COL8A1: variants seen among roughly 807,000 people sequenced by gnomAD.
The protein encoded by COL8A1 is collagen alpha-1(VIII) chain.
A neutral mutation model predicts 42.7 loss-of-function variants in COL8A1; 21 were observed. That is an observed-to-expected ratio of 0.49 (90% CI 0.35 to 0.71). The LOEUF is 0.71. Ranked by LOEUF, COL8A1 falls within the 30% of genes least tolerant of loss-of-function variation. The pLI, the probability that COL8A1 is intolerant of heterozygous loss-of-function variation, is 0.01. For synonymous variants in COL8A1, 367 were observed against 369.1 expected (o/e 0.99, Z 0.06); for missense variants, 788 against 962.4 (o/e 0.82, Z 2.40).
At chr3:99,762,073 T>G (rs1386530407) in intron 2 of COL8A1, among the ~76,000 whole-genome samples, 1 of 152,212 alleles carries the variant, frequency 6.6e-6, no homozygotes, top group East Asian at 1.9e-4. Flanking sequence ...ACTGTCCTGT[T>G]ATTGGTTTTT....
At chr3:99,664,743 A>G (rs1366862531) in intron 1 of COL8A1, among the ~76,000 whole-genome samples, 3 of 152,314 alleles carry the variant, frequency 2.0e-5, no homozygotes, top group Middle Eastern at 3.4e-3. Flanking sequence ...TCAACCTGCT[A>G]TCTTCAACCT....
At chr3:99,688,202 A>C (rs1939120039) in intron 1 of COL8A1, among the ~76,000 whole-genome samples, 2 of 152,240 alleles carry the variant, frequency 1.3e-5, no homozygotes, top group African/African-American at 4.8e-5. Context: ...TGTTGTAACA[A>C]ACCACCACAA....
chr3:99,768,728 C>G (rs926620342), intron 2 of COL8A1, among the ~76,000 whole-genome samples: 3 of 152,146 alleles, frequency 2.0e-5, no homozygotes, highest in African/African-American at 7.2e-5. Context: ...TCCTAGTGTC[C>G]CCAGTCTCTA....
intron 2 of COL8A1, among the ~76,000 whole-genome samples, chr3:99,782,578 G>A (rs985791109): frequency 1.3e-5 from 2 of 152,060 alleles, no homozygotes; most frequent in African/African-American, 4.8e-5. Flanking sequence ...TTTTAGTAGA[G>A]ACAGGGTTTT....
chr3:99,772,792 G>A (rs1373347972), intron 2 of COL8A1, among the ~76,000 whole-genome samples: 2 of 152,176 alleles, frequency 1.3e-5, no homozygotes, highest in Non-Finnish European at 2.9e-5. Context: ...AACTCATAGG[G>A]AGTGTGTTTT....
intron 1 of COL8A1, among the ~76,000 whole-genome samples, chr3:99,735,581 A>G (rs1372808862): frequency 6.6e-6 from 1 of 150,414 alleles, no homozygotes; most frequent in East Asian, 1.9e-4. Context: ...TTTTGCATCA[A>G]TGTTCATCAA....
At chr3:99,682,246 C>T (rs1435744946) in intron 1 of COL8A1, among the ~76,000 whole-genome samples, 1 of 151,944 alleles carries the variant, frequency 6.6e-6, no homozygotes, top group Non-Finnish European at 1.5e-5. Flanking sequence ...GAAACCTTGT[C>T]TCTACTAAAA....
At chr3:99,722,214 T>C (rs1365449379) in intron 1 of COL8A1, among the ~76,000 whole-genome samples, 2 of 152,128 alleles carry the variant, frequency 1.3e-5, no homozygotes, top group Admixed American at 1.3e-4. Flanking sequence ...TTTAAAAGAT[T>C]CCAGGACATG....
At chr3:99,654,686 G>A (rs1937956268) in intron 1 of COL8A1, among the ~76,000 whole-genome samples, 1 of 152,056 alleles carries the variant, frequency 6.6e-6, no homozygotes, top group South Asian at 2.1e-4. Context: ...CACTCAAGAA[G>A]CTGAAGTGGG....
At chr3:99,711,533 G>C (rs1431425326) in intron 1 of COL8A1, among the ~76,000 whole-genome samples, 1 of 152,016 alleles carries the variant, frequency 6.6e-6, no homozygotes, top group Non-Finnish European at 1.5e-5. Flanking sequence ...GAACCAATCT[G>C]GCCTCCAGCC....
chr3:99,688,585 C>T (rs1276176715), intron 1 of COL8A1, among the ~76,000 whole-genome samples: 2 of 152,008 alleles, frequency 1.3e-5, no homozygotes, highest in Non-Finnish European at 2.9e-5. Flanking sequence ...GTCCCCTTTG[C>T]CATGGAAAAC....
At chr3:99,702,382 C>A (rs1291665436) in intron 1 of COL8A1, among the ~76,000 whole-genome samples, 4 of 152,190 alleles carry the variant, frequency 2.6e-5, no homozygotes, top group Non-Finnish European at 4.4e-5. Context: ...AGGTCTTAAC[C>A]ATTATTGTCA....
At chr3:99,730,750 G>T (rs974544953) in intron 1 of COL8A1, among the ~76,000 whole-genome samples, 1 of 152,248 alleles carries the variant, frequency 6.6e-6, no homozygotes, top group South Asian at 2.1e-4. Flanking sequence ...TTGAGTGGTG[G>T]TACAGTTTTT....
In COL8A1 at chr3:99,667,973, A is replaced by AT. The variant is rs563665933; in HGVS notation, c.-129+29313dup. On this transcript the variant is annotated intron_variant, in intron 1 of 3. Transcript: ENST00000652472. ...TTATCTAATATGCTTAATAAGAACT[A>AT]TTTTCTCCATATGAGCTGGACCAGA... Among the ~76,000 whole-genome samples the AT allele has an allele frequency of 5.9e-5, 9 of 152,200 alleles. No individual in the cohort carries two copies. The South Asian group carries it at 1.9e-3, about 31-fold the overall frequency.
intron 2 of COL8A1, among the ~76,000 whole-genome samples, chr3:99,746,374 G>A: frequency 6.6e-6 from 1 of 152,158 alleles, no homozygotes; most frequent in Admixed American, 6.5e-5. Flanking sequence ...TGAGGAAAGA[G>A]GCATGATGTG....
At chr3:99,666,972 G>A (rs557922038) in intron 1 of COL8A1, among the ~76,000 whole-genome samples, 112 of 152,220 alleles carry the variant, frequency 7.4e-4, no homozygotes, top group African/African-American at 2.6e-3. Context: ...ATGTTCTGTG[G>A]AGAGCATTTA....
chr3:99,650,685 C>T (rs753514283), intron 1 of COL8A1, among the ~76,000 whole-genome samples: 8 of 152,126 alleles, frequency 5.3e-5, no homozygotes, highest in African/African-American at 1.2e-4. Flanking sequence ...CTCCCCACCT[C>T]GGCCTCCCAA....
chr3:99,667,679 G>T (rs1938409765), intron 1 of COL8A1, among the ~76,000 whole-genome samples: 1 of 152,140 alleles, frequency 6.6e-6, no homozygotes, highest in Non-Finnish European at 1.5e-5. Flanking sequence ...TGTTGAGAAA[G>T]CACAAGGAAT....
chr3:99,713,628 G>A (rs1274294789), intron 1 of COL8A1, among the ~76,000 whole-genome samples: 1 of 151,994 alleles, frequency 6.6e-6, no homozygotes, highest in Non-Finnish European at 1.5e-5. Flanking sequence ...CCTGGGCATT[G>A]GGCAACCTCT....
Sources: gnomAD v4.1 joint callset for allele counts (sites outside exome capture counted in the v4.1 genomes callset) on GRCh38, gnomAD v4.1.1 for gene constraint, MANE v1.5 for transcripts, NCBI Gene and HGNC (gene_info 2026-07-23, HGNC 2026-07-21) for gene names.